Variants in RUNX2 observed in about 807,000 individuals in gnomAD.
The protein encoded by RUNX2 is RUNX family transcription factor 2, also known as runt-related transcription factor 2.
RUNX2 carries 10 observed loss-of-function variants against 51.7 expected under a neutral mutation model. The observed-to-expected ratio is 0.19, with a 90% CI of 0.12 to 0.33. The LOEUF (loss-of-function observed/expected upper bound fraction) is 0.33. Ranked by LOEUF, RUNX2 falls within the 10% of genes least tolerant of loss-of-function variation. The pLI is 1.00. For synonymous variants in RUNX2, 276 were observed against 273.6 expected (o/e 1.01, Z -0.09); for missense variants, 562 against 691.3 (o/e 0.81, Z 2.10).
rs976757448 is a variant in RUNX2 at position 45,343,482 on chromosome 6, A to G, written c.58+14698A>G. Among the ~76,000 whole-genome samples, 4 of 152,298 alleles carry G rather than the reference A, an allele frequency of 2.6e-5. No individual in the cohort carries two copies. The South Asian group carries it at 8.3e-4, about 32-fold the overall frequency. On this transcript the variant is annotated intron_variant, in intron 2 of 8. Transcript: ENST00000647337. ...TATAATAATTGCACCTCCAAAAGGC[A>G]GCTTTTCAAACCTGAATAGAATTTT...
At chr6:45,397,029 GTA>G (rs1797595878) in intron 2 of RUNX2, among the ~76,000 whole-genome samples, 1 of 151,422 alleles carries the variant, frequency 6.6e-6, no homozygotes, top group South Asian at 2.1e-4. Context: ...TATATATGTA[GTA>G]TATATGTTTT....
At chr6:45,356,681 A>T (rs925422172) in intron 2 of RUNX2, among the ~76,000 whole-genome samples, 2 of 152,108 alleles carry the variant, frequency 1.3e-5, no homozygotes, top group Non-Finnish European at 2.9e-5. Context: ...CTGGGATTAT[A>T]GGTGTGAGCC....
At chr6:45,493,210 T>A (rs1800540973) in intron 6 of RUNX2, among the ~76,000 whole-genome samples, 1 of 152,174 alleles carries the variant, frequency 6.6e-6, no homozygotes, top group Admixed American at 6.5e-5. Flanking sequence ...TTTGCATGAG[T>A]GTATATTTTA....
At chr6:45,342,320 G>A (rs1329846748) in intron 2 of RUNX2, among the ~76,000 whole-genome samples, 1 of 151,954 alleles carries the variant, frequency 6.6e-6, no homozygotes, top group Admixed American at 6.6e-5. Flanking sequence ...GGAGTGCAGT[G>A]GCACAATCTC....
intron 2 of RUNX2, among the ~76,000 whole-genome samples, chr6:45,337,565 T>C (rs1321212713): frequency 6.6e-6 from 1 of 151,810 alleles, no homozygotes; most frequent in Non-Finnish European, 1.5e-5. Context: ...CTCCAGAAAC[T>C]CAAGGGTACC....
At chr6:45,509,150 C>T (rs530179494) in intron 6 of RUNX2, among the ~76,000 whole-genome samples, 1 of 152,294 alleles carries the variant, frequency 6.6e-6, no homozygotes, top group Non-Finnish European at 1.5e-5. Flanking sequence ...AATTAAAGCT[C>T]AGTAACATTG....
chr6:45,380,980 G>T (rs2150342285), intron 2 of RUNX2, among the ~76,000 whole-genome samples: 1 of 152,208 alleles, frequency 6.6e-6, no homozygotes, highest in African/African-American at 2.4e-5. Context: ...TGTTTGTGGG[G>T]ACTTTTTATT....
At chr6:45,465,765 A>G (rs1157639403) in intron 5 of RUNX2, among the ~76,000 whole-genome samples, 20 of 150,050 alleles carry the variant, frequency 1.3e-4, no homozygotes. Flanking sequence ...CCTCTTGAGT[A>G]GCTGGGACTA....
intron 2 of RUNX2, among the ~76,000 whole-genome samples, chr6:45,387,595 A>G (rs1797378280): frequency 6.6e-6 from 1 of 152,196 alleles, no homozygotes; most frequent in Non-Finnish European, 1.5e-5. Context: ...CCCAGATCTA[A>G]ATGTCCACAT....
intron 2 of RUNX2, among the ~76,000 whole-genome samples, chr6:45,418,381 G>A (rs1003103842): frequency 4.0e-5 from 6 of 150,434 alleles, no homozygotes; most frequent in African/African-American, 7.3e-5. Context: ...TGGTGGGTGG[G>A]ATTATGTTTG....
At chr6:45,532,889 C>G (rs1801906133) in intron 7 of RUNX2, among the ~76,000 whole-genome samples, 1 of 149,128 alleles carries the variant, frequency 6.7e-6, no homozygotes, top group African/African-American at 2.5e-5. Flanking sequence ...CCACAGCTAG[C>G]TAAGCAGACC....
chr6:45,384,706 CTTTTTTTTT>C (rs56307239), intron 2 of RUNX2, among the ~76,000 whole-genome samples: 2 of 61,210 alleles, frequency 3.3e-5, no homozygotes, highest in Non-Finnish European at 5.8e-5. Flanking sequence ...ATTAGGGTGT[CTTTTTTTTT>C]TTTTTTTTTT....
At chr6:45,360,359 T>C (rs1037528664) in intron 2 of RUNX2, among the ~76,000 whole-genome samples, 5 of 152,208 alleles carry the variant, frequency 3.3e-5, no homozygotes, top group Admixed American at 6.5e-5. Context: ...CATTCATTAT[T>C]ATCACTGATA....
chr6:45,365,990 T>C (rs145210594), intron 2 of RUNX2, among the ~76,000 whole-genome samples: 2,154 of 152,224 alleles, frequency 0.014, 25 homozygotes, highest in Non-Finnish European at 0.023. Flanking sequence ...CCAATCCTAA[T>C]GTATGACATT....
At chr6:45,396,909 G>A (rs1326672073) in intron 2 of RUNX2, among the ~76,000 whole-genome samples, 1 of 151,992 alleles carries the variant, frequency 6.6e-6, no homozygotes, top group Non-Finnish European at 1.5e-5. Context: ...CCATTCACCA[G>A]TTGATGGACA....
At chr6:45,375,926 A>G (rs1225904275) in intron 2 of RUNX2, among the ~76,000 whole-genome samples, 2 of 152,184 alleles carry the variant, frequency 1.3e-5, no homozygotes, top group East Asian at 3.8e-4. Flanking sequence ...GATAACCATA[A>G]AACTAGTTCT....
intron 7 of RUNX2, among the ~76,000 whole-genome samples, chr6:45,544,642 G>A (rs1197550885): frequency 6.6e-6 from 1 of 152,140 alleles, no homozygotes; most frequent in Non-Finnish European, 1.5e-5. Flanking sequence ...CATTATTCTG[G>A]TTCTTCTTAT....
At chr6:45,474,972 T>C (rs1192542966) in intron 5 of RUNX2, among the ~76,000 whole-genome samples, 1 of 151,878 alleles carries the variant, frequency 6.6e-6, no homozygotes, top group Non-Finnish European at 1.5e-5. Context: ...AGAAAGAAGC[T>C]TAATCTCCGG....
intron 5 of RUNX2, among the ~76,000 whole-genome samples, chr6:45,471,261 G>C (rs1205315196): frequency 6.6e-6 from 1 of 152,104 alleles, no homozygotes; most frequent in Non-Finnish European, 1.5e-5. Context: ...ATAAGTTCCT[G>C]GTTGTAAGGA....
Sources: gnomAD v4.1 joint callset for allele counts (sites outside exome capture counted in the v4.1 genomes callset) on GRCh38, gnomAD v4.1.1 for gene constraint, MANE v1.5 for transcripts, NCBI Gene and HGNC (gene_info 2026-07-23, HGNC 2026-07-21) for gene names.